Variants in WNK1 observed in about 807,000 individuals in gnomAD.
WNK1 encodes the protein WNK lysine deficient protein kinase 1.
In WNK1, 38 loss-of-function variants were observed where a neutral mutation model predicts 222.8. The ratio of observed to expected loss-of-function variants is 0.17; its 90% CI spans 0.13 to 0.22. WNK1 has a LOEUF of 0.22. Among genes scored for constraint, WNK1 ranks in the 10% least tolerant of loss-of-function variants. The pLI, the probability that WNK1 is intolerant of heterozygous loss-of-function variation, is 1.00. For synonymous variants in WNK1, 1,090 were observed against 1,092.9 expected (o/e 1.00, Z 0.05); for missense variants, 2,348 against 2,918.4 (o/e 0.80, Z 4.50).
At chr12:843,020 C>G (rs1164261855) in intron 4 of WNK1, among the ~76,000 whole-genome samples, 1 of 152,214 alleles carries the variant, frequency 6.6e-6, no homozygotes, top group Non-Finnish European at 1.5e-5. Flanking sequence ...ACTGCAACCT[C>G]TGCCTCCTGG....
At chr12:775,776 T>TTA (rs1943016312) in intron 1 of WNK1, among the ~76,000 whole-genome samples, 1 of 152,138 alleles carries the variant, frequency 6.6e-6, no homozygotes, top group Non-Finnish European at 1.5e-5. Context: ...ACACTGTGTT[T>TTA]TATATATATT....
chr12:896,831 G>A lies in WNK1; in HGVS notation c.6245+99G>A, dbSNP rs577272608. 1.9e-3 allele frequency: 2,588 copies of A among 1,350,718 alleles called. 11 individuals carry two copies. The highest frequency in any genetic ancestry group is 9.3e-3 in the Middle Eastern group (38 of 4,082). The allele number at this position is 1,350,718 out of a possible 1,614,324, so 83.7% of individuals were successfully genotyped here. The stretch of plus-strand genomic sequence containing the variant: ...ATATTTTTCGCCACAATATGCTAAT[G>A]TCTCATTTCTTTTAAAGAGACAGTG... On this transcript the variant is annotated intron_variant, in intron 24 of 27. Transcript: ENST00000315939.
intron 4 of WNK1, among the ~76,000 whole-genome samples, chr12:852,703 C>G (rs36052085): frequency 0.12 from 18,468 of 152,124 alleles, 1,468 homozygotes; most frequent in Middle Eastern, 0.19. Flanking sequence ...TAAGAATAAT[C>G]TAGTTCACCT....
chr12:856,157 G>T (rs1390457823), intron 4 of WNK1, among the ~76,000 whole-genome samples: 1 of 150,378 alleles, frequency 6.6e-6, no homozygotes, highest in Admixed American at 6.6e-5. Context: ...TATTTTTAAA[G>T]AATTTATTGG....
intron 9 of WNK1, among the ~76,000 whole-genome samples, chr12:872,095 A>C (rs1952203780): frequency 6.6e-6 from 1 of 152,132 alleles, no homozygotes; most frequent in Non-Finnish European, 1.5e-5. Context: ...TGAAAACCTA[A>C]GAACAATTAC....
At chr12:881,624 AG>A in intron 12 of WNK1, 67 bp from the exon 13 acceptor site, 1 of 1,290,924 alleles carries the variant, frequency 7.7e-7, no homozygotes, top group Middle Eastern at 1.9e-4. Flanking sequence ...AAAAATAAGT[AG>A]ATTATTGGGG....
Position 868,551 on chromosome 12 carries a change from T to G in WNK1, c.2140-2714T>G, listed in dbSNP as rs1195801139. The G allele has an allele frequency of 4.3e-6, 7 of 1,613,762 alleles. No homozygotes were observed. The Admixed American group carries it at 6.7e-5, about 15-fold the overall frequency. ...AGTACAGATGCTACACGTTTGAAAT[T>G]TCACCCTGTCTTTGTTCCTCATTCT... On this transcript the variant is annotated intron_variant, in intron 8 of 27. Coordinates refer to ENST00000315939, the MANE Select transcript of WNK1 (RefSeq NM_018979.4).
intron 1 of WNK1, among the ~76,000 whole-genome samples, chr12:794,898 C>A (rs945791946): frequency 6.6e-6 from 1 of 152,038 alleles, no homozygotes; most frequent in Non-Finnish European, 1.5e-5. Flanking sequence ...ACTATGGGTG[C>A]GTATCATCGT....
At chr12:795,858 T>C (rs1047605948) in intron 1 of WNK1, among the ~76,000 whole-genome samples, 7 of 152,170 alleles carry the variant, frequency 4.6e-5, no homozygotes, top group Non-Finnish European at 8.8e-5. Flanking sequence ...CATTTCTCTT[T>C]TTATCCATTG....
intron 1 of WNK1, among the ~76,000 whole-genome samples, chr12:764,197 A>G (rs1176021454): frequency 1.4e-5 from 2 of 147,952 alleles, no homozygotes; most frequent in African/African-American, 4.9e-5. Flanking sequence ...CAGGCAAAAT[A>G]GTAACAATTA....
chr12:886,414 A>C (rs1953658760), intron 19 of WNK1, among the ~76,000 whole-genome samples: 1 of 152,204 alleles, frequency 6.6e-6, no homozygotes, highest in Non-Finnish European at 1.5e-5. Context: ...CTGTCAGCAA[A>C]ATGTACGTAA....
At chr12:763,300 T>C (rs1413867734) in intron 1 of WNK1, among the ~76,000 whole-genome samples, 2 of 147,408 alleles carry the variant, frequency 1.4e-5, no homozygotes, top group African/African-American at 4.9e-5. Context: ...TCGTGAATTG[T>C]TGGCTAGGCG....
At chr12:838,198 G>A (rs756711703) in intron 4 of WNK1, among the ~76,000 whole-genome samples, 30 of 152,048 alleles carry the variant, frequency 2.0e-4, no homozygotes, top group Non-Finnish European at 4.3e-4. Flanking sequence ...GAGCTGCTAC[G>A]AAGAATATTC....
chr12:773,704 A>G (rs1465710406), intron 1 of WNK1, among the ~76,000 whole-genome samples: 1 of 152,184 alleles, frequency 6.6e-6, no homozygotes, highest in African/African-American at 2.4e-5. Context: ...AATAGAGAAA[A>G]AAATTCTGCC....
intron 1 of WNK1, among the ~76,000 whole-genome samples, chr12:800,891 G>A (rs535888160): frequency 1.3e-5 from 2 of 152,240 alleles, no homozygotes; most frequent in Admixed American, 6.5e-5. Flanking sequence ...TTTGCTGTGC[G>A]CACAGAAGGT....
chr12:897,390 T>C, intron 24 of WNK1, 89 bp from the exon 25 acceptor site: 3 of 892,152 alleles, frequency 3.4e-6, no homozygotes, highest in Non-Finnish European at 5.6e-6. Flanking sequence ...TACTACATAC[T>C]TGAAAGCAGG....
Position 884,283 on chromosome 12 carries a change from C to T in WNK1, c.3844+40C>T. 1 of 1,613,048 alleles carries T rather than the reference C, an allele frequency of 6.2e-7. No homozygotes were observed. The highest frequency in any genetic ancestry group is 2.2e-5 in the East Asian group (1 of 44,824). On this transcript the variant is annotated intron_variant, in intron 18 of 27. Coordinates refer to ENST00000315939, the MANE Select transcript of WNK1 (RefSeq NM_018979.4). The surrounding 1 kb of genome is among the most constrained non-coding windows in gnomAD (Gnocchi z 5.6). ...CTGCCACATTGTTATGTAAATTCTA[C>T]AGTGCCTCTGCTATGTTGAAAGCTT...
rs1300930869 is a variant in WNK1 at position 907,841 on chromosome 12, T to TA, written c.6644-4dup. ...TTTAATGCTCGTATTCTGTTGCTTA[T>TA]AATAGGAACCAGCAGCACAAACACT... is the stretch of plus-strand genomic sequence containing the variant. On this transcript the variant is annotated splice_polypyrimidine_tract_variant and splice_region_variant and intron_variant, in intron 26 of 27. Coordinates refer to ENST00000315939, the MANE Select transcript of WNK1 (RefSeq NM_018979.4). The TA allele has an allele frequency of 6.2e-7, 1 of 1,613,264 alleles. No homozygotes were observed. The highest frequency in any genetic ancestry group is 8.5e-7 in the Non-Finnish European group (1 of 1,180,032).
chr12:790,723 A>T (rs1424786092), intron 1 of WNK1, among the ~76,000 whole-genome samples: 1 of 152,126 alleles, frequency 6.6e-6, no homozygotes, highest in Non-Finnish European at 1.5e-5. Context: ...GATGTCTCAT[A>T]TCTTAGTGTT....
Sources: gnomAD v4.1 joint callset for allele counts (sites outside exome capture counted in the v4.1 genomes callset) on GRCh38, gnomAD v4.1.1 for gene constraint, Gnocchi (gnomAD v3.1) non-coding constraint, MANE v1.5 for transcripts, NCBI Gene and HGNC (gene_info 2026-07-23, HGNC 2026-07-21) for gene names.